ZNF641: variants seen among roughly 807,000 people sequenced by gnomAD.
ZNF641 encodes zinc finger protein 641.
A neutral mutation model predicts 46.2 loss-of-function variants in ZNF641; 26 were observed. The ratio of observed to expected loss-of-function variants is 0.56; its 90% CI spans 0.41 to 0.78. The LOEUF is 0.78. Ranked by LOEUF, ZNF641 falls within the 30% of genes least tolerant of loss-of-function variation. The probability of loss-of-function intolerance (pLI) is 0.00; values close to 1 mark genes in which losing one functional copy is unlikely to be tolerated. For missense variants in ZNF641, 469 were observed against 517.8 expected, an observed-to-expected ratio of 0.91 and a Z score of 0.91; for synonymous variants, 163 against 187.9, an observed-to-expected ratio of 0.87 and a Z score of 1.09.
In ZNF641 at chr12:48,338,106, GTATGAAT is replaced by G. The variant is rs1952639212; in HGVS notation, c.*4860_*4866del. 6.6e-6 allele frequency: 1 copy of G among 152,518 alleles called. No individual in the cohort carries two copies. The highest frequency in any genetic ancestry group is 6.5e-5 in the Admixed American group (1 of 15,276). The allele number at this position is 152,518 out of a possible 1,614,324, so 9.4% of individuals were successfully genotyped here. On this transcript the variant is annotated 3_prime_UTR_variant, in exon 6 of 6. Transcript: ENST00000547026. Reference sequence around the variant, plus strand: ...AGAATTTGGAGGATGAGAGTGGTAAGTATGAATTGACCCCTGCTTAGTAGGCTTAAAG... The same window carrying G: ...AGAATTTGGAGGATGAGAGTGGTAAGTGACCCCTGCTTAGTAGGCTTAAAG...
rs896195729 is a variant in ZNF641, at chr12:48,338,635, C to A, written c.*4338G>T. The A allele has an allele frequency of 6.6e-6, 1 of 152,234 alleles. No homozygotes were observed. The highest frequency in any genetic ancestry group is 6.5e-5 in the Admixed American group (1 of 15,284). The allele number at this position is 152,234 out of a possible 1,614,324, so 9.4% of individuals were successfully genotyped here. ...TCTAAGCAGCAGAATGCATTTTGGG[C>A]ACCATGGCTTCATTGGTTACAACCT... On this transcript the variant is annotated 3_prime_UTR_variant, in exon 6 of 6. Coordinates refer to ENST00000547026, the MANE Select transcript of ZNF641 (RefSeq NM_001172681.2).
Position 48,338,291 on chromosome 12 carries a change from T to C in ZNF641, c.*4682A>G, listed in dbSNP as rs1377539497. On this transcript the variant is annotated 3_prime_UTR_variant, in exon 6 of 6. Transcript: ENST00000547026. ...AAATGCCCTTGGAAGGGCATGTTAT[T>C]GCTCAGTCAGAACAAAGCAAAACTC... is the stretch of plus-strand genomic sequence containing the variant. 2 of 152,206 alleles carry C rather than the reference T, an allele frequency of 1.3e-5. No homozygotes were observed. Among genetic ancestry groups the C allele is most frequent in the Admixed American group, 6.5e-5 (1 of 15,270 alleles). The allele number at this position is 152,206 out of a possible 1,614,324, so 9.4% of individuals were successfully genotyped here.
chr12:48,338,510 T>C lies in ZNF641; in HGVS notation c.*4463A>G, dbSNP rs1952649337. On this transcript the variant is annotated 3_prime_UTR_variant, in exon 6 of 6. Coordinates refer to ENST00000547026, the MANE Select transcript of ZNF641 (RefSeq NM_001172681.2). ...GGCAGATTTATAACTGTCAGTTCAGTCTGTCCTCATAGGTGCGCCTGGGAG... is the reference window on the plus strand; with the variant it reads ...GGCAGATTTATAACTGTCAGTTCAGCCTGTCCTCATAGGTGCGCCTGGGAG... 6.6e-6 allele frequency: 1 copy of C among 152,256 alleles called. No individual in the cohort carries two copies. The highest frequency in any genetic ancestry group is 2.4e-5 in the African/African-American group (1 of 41,432). The allele number at this position is 152,256 out of a possible 1,614,324, so 9.4% of individuals were successfully genotyped here.
rs923315098 is a variant in ZNF641, at chr12:48,338,113, T to G, written c.*4860A>C. On this transcript the variant is annotated 3_prime_UTR_variant, in exon 6 of 6. Coordinates refer to ENST00000547026, the MANE Select transcript of ZNF641 (RefSeq NM_001172681.2). ...GGAGGATGAGAGTGGTAAGTATGAATTGACCCCTGCTTAGTAGGCTTAAAG... is the reference window on the plus strand; with the variant it reads ...GGAGGATGAGAGTGGTAAGTATGAAGTGACCCCTGCTTAGTAGGCTTAAAG... 1 of 152,428 alleles carries G rather than the reference T, an allele frequency of 6.6e-6. No homozygotes were observed. Among genetic ancestry groups the G allele is most frequent in the Non-Finnish European group, 1.5e-5 (1 of 68,172 alleles). The allele number at this position is 152,428 out of a possible 1,614,324, so 9.4% of individuals were successfully genotyped here.
In ZNF641 at chr12:48,342,121, G is replaced by T. The variant is rs998808396; in HGVS notation, c.*852C>A. ...TGTTCAAGGGGATAAAGTTTTTTTT[G>T]TTTTTCTGTTTTTCTGTGTGGGCCA... On this transcript the variant is annotated 3_prime_UTR_variant, in exon 6 of 6. Transcript: ENST00000547026. 8.0e-5 allele frequency: 79 copies of T among 985,010 alleles called. No homozygotes were observed. The highest frequency in any genetic ancestry group is 5.2e-4 in the Middle Eastern group (1 of 1,936). The allele number at this position is 985,010 out of a possible 1,614,324, so 61.0% of individuals were successfully genotyped here.
Position 48,342,330 on chromosome 12 carries a change from C to T in ZNF641, c.*643G>A, listed in dbSNP as rs770488244. 2.0e-6 allele frequency: 2 copies of T among 985,610 alleles called. No individual in the cohort carries two copies. Among genetic ancestry groups the T allele is most frequent in the African/African-American group, 3.5e-5 (2 of 57,202 alleles). The allele number at this position is 985,610 out of a possible 1,614,324, so 61.1% of individuals were successfully genotyped here. A position where few individuals can be genotyped will look rare whatever the true frequency, so the allele number is the denominator to read the frequency against. ...TAAGGAAGACAGACCCACACATGAA[C>T]AAGGTCTGGCCCCCCTGGCTTTCAT... On this transcript the variant is annotated 3_prime_UTR_variant, in exon 6 of 6. Transcript: ENST00000547026.
At position 48,348,031 on chromosome 12, in the gene ZNF641, C is replaced by G; in HGVS notation, c.60G>C (p.Leu20=). 1.2e-6 allele frequency: 2 copies of G among 1,614,224 alleles called. No individual in the cohort carries two copies. Among genetic ancestry groups the G allele is most frequent in the Non-Finnish European group, 1.7e-6 (2 of 1,180,042 alleles). The change falls in exon 2 of 6, where the codon CTG becomes CTC. Residue 20 remains leucine (L), a synonymous_variant. Coordinates refer to ENST00000547026, the MANE Select transcript of ZNF641 (RefSeq NM_001172681.2). ...GTGWESMNVQ[L]DGAEPQVERG... ...TTTCCACCTGGGGCTCTGCTCCATC[C>G]AGCTGTACATTCATTGATTCCCATC...
At chr12:48,334,960 A>G (rs190894382), downstream of ZNF641, among the ~76,000 whole-genome samples, 1 of 152,354 alleles carries the variant, frequency 6.6e-6, no homozygotes, top group African/African-American at 2.4e-5. Context: ...CACAGGCACC[A>G]TAAATCAACT....
chr12:48,338,045 T>C lies in ZNF641; in HGVS notation c.*4928A>G, dbSNP rs761154172. ...GAGTGTGTATGAGAAAGGGGCAGAG[T>C]GGTGAGGTGGCTGATGAACTGCTAT... On this transcript the variant is annotated 3_prime_UTR_variant, in exon 6 of 6. Coordinates refer to ENST00000547026, the MANE Select transcript of ZNF641 (RefSeq NM_001172681.2). 1.3e-5 allele frequency: 2 copies of C among 151,612 alleles called. No homozygotes were observed. Among genetic ancestry groups the C allele is most frequent in the Non-Finnish European group, 2.9e-5 (2 of 68,014 alleles). The allele number at this position is 151,612 out of a possible 1,614,324, so 9.4% of individuals were successfully genotyped here.
Position 48,343,510 on chromosome 12 carries a change from CAG to C in ZNF641, c.736_737del (p.Leu246ValfsTer38). ...ACTGGGGGCATGTGTGGGGTCTTAA[CAG>C]GGAATCCATCTCTGTGCTACACAGC... ...NLLCSTEMDS[L>X]LRPHTCPQCG... On this transcript the variant is annotated frameshift_variant, in exon 6 of 6. Transcript: ENST00000547026. LOFTEE classifies it high-confidence loss of function. 1 of 1,613,176 alleles carries C rather than the reference CAG, an allele frequency of 6.2e-7. No individual in the cohort carries two copies. The highest frequency in any genetic ancestry group is 8.5e-7 in the Non-Finnish European group (1 of 1,179,280).
In ZNF641 at chr12:48,341,944, G is replaced by GA. The variant is rs747474058; in HGVS notation, c.*1028dup. 541 of 985,230 alleles carry GA rather than the reference G, an allele frequency of 5.5e-4. No homozygotes were observed. The highest frequency in any genetic ancestry group is 6.0e-4 in the Non-Finnish European group (500 of 829,962). 61.0% of individuals were successfully genotyped at this position (985,230 alleles called of 1,614,324 possible). ...AGACTGCTTCCTGTCTTGAAACAAA[G>GA]AAAAAACCCCATATAATCCCCACTA... On this transcript the variant is annotated 3_prime_UTR_variant, in exon 6 of 6. Transcript: ENST00000547026.
rs907765929 is a variant in ZNF641, at chr12:48,340,517, T to G, written c.*2456A>C. ...CGTAATTAAAGACCAGACTCCATCCTTATACCACTGATGCCTCTGGTACCT... is the reference window on the plus strand; with the variant it reads ...CGTAATTAAAGACCAGACTCCATCCGTATACCACTGATGCCTCTGGTACCT... On this transcript the variant is annotated 3_prime_UTR_variant, in exon 6 of 6. Transcript: ENST00000547026. 124 of 971,086 alleles carry G rather than the reference T, an allele frequency of 1.3e-4. No homozygotes were observed. The highest frequency in any genetic ancestry group is 4.4e-5 in the Non-Finnish European group (36 of 823,236). 60.2% of individuals were successfully genotyped at this position (971,086 alleles called of 1,614,324 possible).
chr12:48,342,816 G>A lies in ZNF641; in HGVS notation c.*157C>T. The A allele has an allele frequency of 7.0e-7, 1 of 1,432,446 alleles. No individual in the cohort carries two copies. Among genetic ancestry groups the A allele is most frequent in the Non-Finnish European group, 9.1e-7 (1 of 1,098,312 alleles). 88.7% of individuals were successfully genotyped at this position (1,432,446 alleles called of 1,614,324 possible). A position where few individuals can be genotyped will look rare whatever the true frequency, so the allele number is the denominator to read the frequency against. ...TTATGTGCTATCTCACAGAACTGGT[G>A]AGAAATGCTCTGGCCATTGCTGGGA... On this transcript the variant is annotated 3_prime_UTR_variant, in exon 6 of 6. Coordinates refer to ENST00000547026, the MANE Select transcript of ZNF641 (RefSeq NM_001172681.2).
chr12:48,345,297 G>A lies in ZNF641; in HGVS notation c.406+48C>T, dbSNP rs111552560. 1.2e-3 allele frequency: 1,887 copies of A among 1,605,676 alleles called. 4 individuals carry two copies. Among genetic ancestry groups the A allele is most frequent in the African/African-American group, 6.4e-3 (480 of 74,764 alleles). On this transcript the variant is annotated intron_variant, in intron 4 of 5. Transcript: ENST00000547026. ...CAATAGCCCTGAAGCAGATGGCTCC[G>A]TCCTCCCAGAGTCCAATCTTCTAGT... is the stretch of plus-strand genomic sequence containing the variant.
Position 48,342,221 on chromosome 12 carries a change from A to G in ZNF641, c.*752T>C, listed in dbSNP as rs1952736248. 1 of 985,476 alleles carries G rather than the reference A, an allele frequency of 1.0e-6. No individual in the cohort carries two copies. Among genetic ancestry groups the G allele is most frequent in the African/African-American group, 1.7e-5 (1 of 57,326 alleles). The allele number at this position is 985,476 out of a possible 1,614,324, so 61.0% of individuals were successfully genotyped here. ...TCAGCTGGATATATGTATGTGCAGG[A>G]TGAAGGGAGTAGGAATAATGGGTAA... On this transcript the variant is annotated 3_prime_UTR_variant, in exon 6 of 6. Coordinates refer to ENST00000547026, the MANE Select transcript of ZNF641 (RefSeq NM_001172681.2).
intron 4 of ZNF641, 146 bp downstream of exon 4, chr12:48,345,199 C>A: frequency 1.2e-6 from 1 of 840,174 alleles, no homozygotes; most frequent in Non-Finnish European, 1.8e-6. Context: ...TTGGGATTGG[C>A]CCTAGTGTTC....
intron 5 of ZNF641, among the ~76,000 whole-genome samples, chr12:48,344,021 T>C (rs1037412696): frequency 6.6e-6 from 1 of 152,268 alleles, no homozygotes; most frequent in Non-Finnish European, 1.5e-5. Context: ...AGTTATAAGA[T>C]AGATAGCACA....
At position 48,340,511 on chromosome 12, in the gene ZNF641, C is replaced by A; in HGVS notation, c.*2462G>T. 1 of 971,282 alleles carries A rather than the reference C, an allele frequency of 1.0e-6. No individual in the cohort carries two copies. Among genetic ancestry groups the A allele is most frequent in the Non-Finnish European group, 1.2e-6 (1 of 823,260 alleles). The allele number at this position is 971,282 out of a possible 1,614,324, so 60.2% of individuals were successfully genotyped here. ...CCTTGTCGTAATTAAAGACCAGACT[C>A]CATCCTTATACCACTGATGCCTCTG... On this transcript the variant is annotated 3_prime_UTR_variant, in exon 6 of 6. Coordinates refer to ENST00000547026, the MANE Select transcript of ZNF641 (RefSeq NM_001172681.2).
downstream of ZNF641, among the ~76,000 whole-genome samples, chr12:48,336,829 A>T (rs187159399): frequency 4.0e-4 from 61 of 152,250 alleles, no homozygotes; most frequent in African/African-American, 1.4e-3. Flanking sequence ...GGGCCTTGAA[A>T]CTGAGGGCCT....
Sources: gnomAD v4.1 joint callset for allele counts (sites outside exome capture counted in the v4.1 genomes callset) on GRCh38, gnomAD v4.1.1 for gene constraint, MANE v1.5 for transcripts, NCBI Gene and HGNC (gene_info 2026-07-23, HGNC 2026-07-21) for gene names.